CAGE1: variants seen among roughly 807,000 people sequenced by gnomAD.
The protein encoded by CAGE1 is cancer antigen 1, also known as cancer-associated gene 1 protein.
In CAGE1, 66 loss-of-function variants were observed where a neutral mutation model predicts 94.9. The ratio of observed to expected loss-of-function variants is 0.70; its 90% CI spans 0.57 to 0.85. The LOEUF (loss-of-function observed/expected upper bound fraction) is 0.85. Ranked by LOEUF, CAGE1 falls within the 40% of genes least tolerant of loss-of-function variation. The pLI, the probability that CAGE1 is intolerant of heterozygous loss-of-function variation, is 0.00. For synonymous variants in CAGE1, 319 were observed against 321.0 expected, an observed-to-expected ratio of 0.99 and a Z score of 0.07; for missense variants, 865 against 950.4, an observed-to-expected ratio of 0.91 and a Z score of 1.18.
At chr6:7,364,898 T>TA (rs373739489) in intron 9 of CAGE1, among the ~76,000 whole-genome samples, 1 of 152,224 alleles carries the variant, frequency 6.6e-6, no homozygotes, top group South Asian at 2.1e-4. Context: ...TTTAATCATT[T>TA]AAAAAATATG....
intron 13 of CAGE1, 106 bp from the exon 14 acceptor site, chr6:7,327,005 A>C: frequency 2.6e-6 from 2 of 775,972 alleles, no homozygotes; most frequent in Middle Eastern, 2.9e-4. Flanking sequence ...AAAGGGGTGC[A>C]AAGTAAGCCT....
At chr6:7,363,067 G>A (rs1409367822) in intron 9 of CAGE1, among the ~76,000 whole-genome samples, 9 of 152,112 alleles carry the variant, frequency 5.9e-5, no homozygotes, top group East Asian at 3.9e-4. Flanking sequence ...TCAGGAGTTC[G>A]TGACTAGCCT....
Position 7,342,067 on chromosome 6 carries a change from G to A in CAGE1, c.2370-7977C>T, listed in dbSNP as rs769953493. 1.4e-5 allele frequency: 13 copies of A among 919,090 alleles called. 1 individual carries two copies. The highest frequency in any genetic ancestry group is 5.2e-5 in the South Asian group (4 of 77,346). 56.9% of individuals were successfully genotyped at this position (919,090 alleles called of 1,614,324 possible). ...GTAGGCATTGTAGTCCTGGAAGCTC[G>A]ACTAATAGAAGACAGAGATGTCAAT... On this transcript the variant is annotated intron_variant, in intron 11 of 13. Coordinates refer to ENST00000502583, the MANE Select transcript of CAGE1 (RefSeq NM_001170692.2).
At chr6:7,353,640 C>A (rs1759855905) in intron 11 of CAGE1, among the ~76,000 whole-genome samples, 1 of 150,684 alleles carries the variant, frequency 6.6e-6, no homozygotes, top group South Asian at 2.1e-4. Context: ...ATCATGGAAG[C>A]AACCCAAATG....
At chr6:7,361,619 A>G (rs796459463) in intron 9 of CAGE1, among the ~76,000 whole-genome samples, 43 of 152,306 alleles carry the variant, frequency 2.8e-4, no homozygotes, top group African/African-American at 9.1e-4. Context: ...TCTTGCTAAG[A>G]GCTGGTCAGG....
At chr6:7,335,896 G>A (rs1359553428) in intron 11 of CAGE1, among the ~76,000 whole-genome samples, 1 of 152,084 alleles carries the variant, frequency 6.6e-6, no homozygotes, top group East Asian at 1.9e-4. Flanking sequence ...TTTTAAAGAG[G>A]AGATATAAAT....
chr6:7,378,941 A>C lies in CAGE1; in HGVS notation c.363T>G (p.Phe121Leu). Residue 121 changes from phenylalanine to leucine, a missense_variant, in exon 4 of 14, where the codon TTT (phenylalanine) becomes TTG (leucine). Transcript: ENST00000502583. ...CCCAGTGAAATTTGCAAACGGTTTC[A>C]AATTGTCTCAAGGAAGATATGCTGA... ...DTISISSLRQ[F>L]ETVCKFHWVE... is the part of the protein sequence containing the mutation. The C allele has an allele frequency of 1.9e-6, 3 of 1,590,824 alleles. No individual in the cohort carries two copies. Among genetic ancestry groups the C allele is most frequent in the Non-Finnish European group, 2.6e-6 (3 of 1,167,162 alleles).
At chr6:7,348,024 G>A (rs1474168745) in intron 11 of CAGE1, among the ~76,000 whole-genome samples, 1 of 151,974 alleles carries the variant, frequency 6.6e-6, no homozygotes, top group Non-Finnish European at 1.5e-5. Context: ...ATTCTTGGGA[G>A]TTCTAGGGCC....
intron 11 of CAGE1, chr6:7,340,993 G>A (rs1004997291): frequency 4.7e-5 from 21 of 445,314 alleles, no homozygotes; most frequent in Non-Finnish European, 3.1e-5. Context: ...TCCAGGAAGC[G>A]GAGAGAGGAG....
Position 7,339,364 on chromosome 6 carries a change from G to T in CAGE1, c.2370-5274C>A, listed in dbSNP as rs1759083547. 1.9e-6 allele frequency: 3 copies of T among 1,608,788 alleles called. No individual in the cohort carries two copies. Among genetic ancestry groups the T allele is most frequent in the Non-Finnish European group, 2.6e-6 (3 of 1,175,832 alleles). On this transcript the variant is annotated intron_variant, in intron 11 of 13. Coordinates refer to ENST00000502583, the MANE Select transcript of CAGE1 (RefSeq NM_001170692.2). This position sits in a 1 kb window ranked among gnomAD's most constrained non-coding sequence, Gnocchi z 4.7. The stretch of plus-strand genomic sequence containing the variant: ...AACCTCTTCTGAACTACAGCAGTCA[G>T]TTCCCGAATCCGCCGGCCCTTCTCA...
rs551336353 is a variant in CAGE1 at position 7,362,587 on chromosome 6, A to T, written c.2193+2881T>A. 4.6e-5 allele frequency among the ~76,000 whole-genome samples: 7 copies of T among 152,314 alleles called. No individual in the cohort carries two copies. In the South Asian group the frequency reaches 6.2e-4, roughly 14 times the overall value. On this transcript the variant is annotated intron_variant, in intron 9 of 13. Transcript: ENST00000502583. This position sits in a 1 kb window ranked among gnomAD's most constrained non-coding sequence, Gnocchi z 4.1. The stretch of plus-strand genomic sequence containing the variant: ...GAACTGTGAAGAGGAGCCAACGGCA[A>T]GGGGTCAGAAGGACATGAGAGAAGC...
intron 9 of CAGE1, among the ~76,000 whole-genome samples, chr6:7,359,851 G>A (rs186433679): frequency 3.5e-4 from 54 of 152,224 alleles, no homozygotes; most frequent in African/African-American, 1.2e-3. Flanking sequence ...ACTTTCTGTC[G>A]CTGCTGCAAC....
intron 11 of CAGE1, among the ~76,000 whole-genome samples, chr6:7,338,268 T>C (rs994414845): frequency 1.4e-4 from 22 of 152,204 alleles, no homozygotes; most frequent in African/African-American, 5.1e-4. Context: ...TTTTCTTGCC[T>C]GATTGTACTG....
chr6:7,333,410 C>T (rs1241232772), intron 12 of CAGE1, among the ~76,000 whole-genome samples: 4 of 151,892 alleles, frequency 2.6e-5, no homozygotes. Flanking sequence ...TTGTTGTAGA[C>T]AAAAATCTTA....
chr6:7,385,902 C>T lies in CAGE1; in HGVS notation c.196-30G>A, dbSNP rs1251882031. 2.5e-5 allele frequency: 29 copies of T among 1,176,460 alleles called. No individual in the cohort carries two copies. In the East Asian group the frequency reaches 7.1e-4, roughly 29 times the overall value. 72.9% of individuals were successfully genotyped at this position (1,176,460 alleles called of 1,614,324 possible). A position where few individuals can be genotyped will look rare whatever the true frequency, so the allele number is the denominator to read the frequency against. ...ATTAATAAAAAAGGCATCAATACTT[C>T]AAGCAAACATCACAAGCTTCTTCTA... On this transcript the variant is annotated intron_variant, in intron 2 of 13. Coordinates refer to ENST00000502583, the MANE Select transcript of CAGE1 (RefSeq NM_001170692.2).
At chr6:7,358,391 G>A (rs975957664) in intron 9 of CAGE1, among the ~76,000 whole-genome samples, 4 of 151,954 alleles carry the variant, frequency 2.6e-5, no homozygotes, top group Non-Finnish European at 4.4e-5. Context: ...TGACTGAGGA[G>A]TATTTTCATT....
intron 8 of CAGE1, 41 bp downstream of exon 8, chr6:7,365,762 AT>A: frequency 1.5e-6 from 2 of 1,369,132 alleles, no homozygotes; most frequent in Non-Finnish European, 2.0e-6. Flanking sequence ...GAAATTGTAT[AT>A]TTTTATGTTA....
chr6:7,354,036 C>G (rs1759870816), intron 11 of CAGE1, among the ~76,000 whole-genome samples: 1 of 151,492 alleles, frequency 6.6e-6, no homozygotes. Flanking sequence ...CACAAATCAC[C>G]ACTAAGGAAC....
chr6:7,329,954 G>A (rs1758688515), intron 12 of CAGE1, 66 bp from the exon 13 acceptor site: 2 of 677,956 alleles, frequency 3.0e-6, no homozygotes, highest in Non-Finnish European at 5.3e-6. Flanking sequence ...TGAACATGGT[G>A]AGCAAGTTGC....
Sources: gnomAD v4.1 joint callset for allele counts (sites outside exome capture counted in the v4.1 genomes callset) on GRCh38, gnomAD v4.1.1 for gene constraint, Gnocchi (gnomAD v3.1) non-coding constraint, MANE v1.5 for transcripts, NCBI Gene and HGNC (gene_info 2026-07-23, HGNC 2026-07-21) for gene names.